Variants in DNAJC6 observed in about 807,000 individuals in gnomAD.
DNAJC6 encodes auxilin.
Under a neutral mutation model 110.0 loss-of-function variants are expected in DNAJC6, and 34 were observed. The observed-to-expected ratio is 0.31, with a 90% confidence interval of 0.24 to 0.41. DNAJC6 has a LOEUF of 0.41. Ranked by LOEUF, DNAJC6 falls within the 10% of genes least tolerant of loss-of-function variation. The probability of loss-of-function intolerance (pLI) is 1.00; values close to 1 mark genes in which losing one functional copy is unlikely to be tolerated. For missense variants in DNAJC6, 1,031 were observed against 1,207.8 expected (o/e 0.85, Z 2.17); for synonymous variants, 406 against 437.2 (o/e 0.93, Z 0.89).
At chr1:65,377,839 A>T (rs934196517) in intron 4 of DNAJC6, among the ~76,000 whole-genome samples, 1 of 152,218 alleles carries the variant, frequency 6.6e-6, no homozygotes, top group Non-Finnish European at 1.5e-5. Flanking sequence ...AAATAGAAGG[A>T]ATTCGAGACA....
At chr1:65,375,517 A>G (rs1037094290) in intron 4 of DNAJC6, among the ~76,000 whole-genome samples, 7 of 149,840 alleles carry the variant, frequency 4.7e-5, no homozygotes, top group East Asian at 2.0e-4. Context: ...GCTCCGCCTC[A>G]TGGGTTCACG....
At chr1:65,377,217 G>T (rs7534332) in intron 4 of DNAJC6, among the ~76,000 whole-genome samples, 1 of 151,892 alleles carries the variant, frequency 6.6e-6, no homozygotes, top group African/African-American at 2.4e-5. Context: ...CTTGAACCTG[G>T]GTTTTAAAAG....
intron 1 of DNAJC6, among the ~76,000 whole-genome samples, chr1:65,286,960 T>C (rs1281841432): frequency 6.6e-6 from 1 of 152,344 alleles, no homozygotes; most frequent in East Asian, 1.9e-4. Flanking sequence ...CCACAACCCA[T>C]GTTTTCTATG....
chr1:65,327,588 G>A (rs1203698315), intron 1 of DNAJC6, among the ~76,000 whole-genome samples: 3 of 152,118 alleles, frequency 2.0e-5, no homozygotes, highest in Admixed American at 6.5e-5. Flanking sequence ...TTATGTGTGG[G>A]TGTATGTTTG....
chr1:65,378,979 A>C (rs1645792488), intron 4 of DNAJC6, among the ~76,000 whole-genome samples: 2 of 152,314 alleles, frequency 1.3e-5, no homozygotes, highest in South Asian at 4.1e-4. Context: ...CCTTTGGCTC[A>C]CTCTATAGCA....
chr1:65,409,000 A>G (rs1241511264), intron 17 of DNAJC6, among the ~76,000 whole-genome samples: 2 of 151,954 alleles, frequency 1.3e-5, no homozygotes, highest in African/African-American at 4.8e-5. Flanking sequence ...GGTGCCAGCC[A>G]TTTTGGTGTC....
rs74083004 is a variant in DNAJC6 at position 65,284,064 on chromosome 1, G to A, written c.-131+19132G>A. 3.9e-3 allele frequency among the ~76,000 whole-genome samples: 586 copies of A among 151,996 alleles called. 1 individual carries two copies. Among genetic ancestry groups the A allele is most frequent in the African/African-American group, 0.013 (559 of 41,456 alleles). On this transcript the variant is annotated intron_variant, in intron 1 of 19. Coordinates refer to the DNAJC6 transcript ENST00000263441. ...GGGGTCCCCTTTTTACCTCAGAATC[G>A]CTTTATCTCAATCCTGCCATCTTCC... is the stretch of plus-strand genomic sequence containing the variant.
intron 15 of DNAJC6, among the ~76,000 whole-genome samples, chr1:65,404,824 C>G (rs569871170): frequency 2.7e-4 from 41 of 152,280 alleles, no homozygotes; most frequent in African/African-American, 9.1e-4. Context: ...AATCCCAGCT[C>G]CATTAATTGG....
chr1:65,317,380 T>C (rs1006154757), intron 1 of DNAJC6, among the ~76,000 whole-genome samples: 5 of 152,260 alleles, frequency 3.3e-5, no homozygotes, highest in African/African-American at 4.8e-5. Flanking sequence ...GGAAGTTCCA[T>C]AACATGTGCC....
Position 65,414,171 on chromosome 1 carries a change from T to G in DNAJC6, c.*1146T>G, listed in dbSNP as rs41311152. On this transcript the variant is annotated 3_prime_UTR_variant, in exon 19 of 19. Coordinates refer to ENST00000371069, the MANE Select transcript of DNAJC6 (RefSeq NM_001256864.2). ...ATTAAATTATTACAGTGGGCTTTTT[T>G]GTTTTAAAAGTGGTTGGGGATCCAC... is the stretch of plus-strand genomic sequence containing the variant. 1 of 152,362 alleles carries G rather than the reference T, an allele frequency of 6.6e-6. No individual in the cohort carries two copies. The highest frequency in any genetic ancestry group is 1.5e-5 in the Non-Finnish European group (1 of 68,034). The allele number at this position is 152,362 out of a possible 1,614,324, so 9.4% of individuals were successfully genotyped here. A position where few individuals can be genotyped will look rare whatever the true frequency, so the allele number is the denominator to read the frequency against.
Position 65,394,996 on chromosome 1 carries a change from C to T in DNAJC6, c.2002C>T (p.Leu668Phe). ...NTSSASSDPF[L>F]QPTRSPSPTV... ...ATCCAGTGCTTCCAGTGACCCCTTT[C>T]TCCAGCCAACAAGAAGTCCTTCGCC... is the stretch of plus-strand genomic sequence containing the variant. The change falls in exon 13 of 19, where the codon CTC becomes TTC. Residue 668 changes from leucine to phenylalanine, a missense_variant. Leu to Phe is a conservative substitution (Grantham distance 22). Coordinates refer to ENST00000371069, the MANE Select transcript of DNAJC6 (RefSeq NM_001256864.2). 1 of 1,612,412 alleles carries T rather than the reference C, an allele frequency of 6.2e-7. No homozygotes were observed. The highest frequency in any genetic ancestry group is 8.5e-7 in the Non-Finnish European group (1 of 1,179,452).
At position 65,386,809 on chromosome 1, in the gene DNAJC6, C is replaced by T. The variant is rs1419514890; in HGVS notation, c.996-3C>T. ...CAATGTATATTTTGGTCTGTGTTTACAGAGAATATCGTGTCCAAGATGGAA... is the reference window on the plus strand; with the variant it reads ...CAATGTATATTTTGGTCTGTGTTTATAGAGAATATCGTGTCCAAGATGGAA... On this transcript the variant is annotated splice_region_variant and splice_polypyrimidine_tract_variant and intron_variant, in intron 7 of 18. Coordinates refer to ENST00000371069, the MANE Select transcript of DNAJC6 (RefSeq NM_001256864.2). 2 of 1,612,858 alleles carry T rather than the reference C, an allele frequency of 1.2e-6. No individual in the cohort carries two copies. The highest frequency in any genetic ancestry group is 1.3e-5 in the African/African-American group (1 of 75,044).
chr1:65,309,453 A>G (rs1645075647), upstream of DNAJC6: 4 of 864,640 alleles, frequency 4.6e-6, no homozygotes, highest in Non-Finnish European at 5.8e-6. Flanking sequence ...GGAGCTCGGC[A>G]GGGCCGGGCG....
At chr1:65,404,739 C>T (rs1461582971) in intron 15 of DNAJC6, among the ~76,000 whole-genome samples, 2 of 152,044 alleles carry the variant, frequency 1.3e-5, no homozygotes, top group East Asian at 3.9e-4. Context: ...AAAGGCTTAG[C>T]AATTAGGAGA....
rs780392337 is a variant in DNAJC6, at chr1:65,384,263, G to C, written c.737G>C (p.Gly246Ala). The change falls in exon 6 of 19, where the codon GGC becomes GCC. Residue 246 changes from glycine (G) to alanine (A), a missense_variant. Gly to Ala is a moderately conservative substitution (Grantham distance 60). Transcript: ENST00000371069. ...TTCTGTAATCTCTACTCTACTCCTG[G>C]CCCAGCCATTCGATTGCTATATGCA... is the stretch of plus-strand genomic sequence containing the variant. ...FIFCNLYSTP[G>A]PAIRLLYAKR... The C allele has an allele frequency of 6.3e-6, 10 of 1,587,798 alleles. No individual in the cohort carries two copies. The highest frequency in any genetic ancestry group is 8.6e-7 in the Non-Finnish European group (1 of 1,168,834).
intron 1 of DNAJC6, among the ~76,000 whole-genome samples, chr1:65,339,935 G>A (rs1330501260): frequency 6.6e-6 from 1 of 152,174 alleles, no homozygotes; most frequent in African/African-American, 2.4e-5. Flanking sequence ...CCAGTTTGGT[G>A]ATACTCCTAA....
At chr1:65,387,393 C>G (rs1214356616) in intron 8 of DNAJC6, among the ~76,000 whole-genome samples, 1 of 152,202 alleles carries the variant, frequency 6.6e-6, no homozygotes, top group Non-Finnish European at 1.5e-5. Flanking sequence ...AACATCACCA[C>G]TAATTCCAGA....
Position 65,364,820 on chromosome 1 carries a change from C to T in DNAJC6, c.344+35C>T, listed in dbSNP as rs780287079. The T allele has an allele frequency of 4.4e-6, 7 of 1,607,926 alleles. No homozygotes were observed. The South Asian group carries it at 4.4e-5, about 10-fold the overall frequency. On this transcript the variant is annotated intron_variant, in intron 2 of 18. Transcript: ENST00000371069. ...TTCTTCCCAGTTAATTTAGTGGATC[C>T]CCATGCTCTCAAAGGATCTGGTTAC...
At chr1:65,273,702 T>C (rs1039458808) in intron 1 of DNAJC6, among the ~76,000 whole-genome samples, 1 of 152,192 alleles carries the variant, frequency 6.6e-6, no homozygotes, top group Non-Finnish European at 1.5e-5. Context: ...TTAAAATATT[T>C]TATACTTTTC....
Sources: allele counts gnomAD v4.1 joint callset (sites outside exome capture counted in the v4.1 genomes callset), GRCh38; gene constraint gnomAD v4.1.1; transcripts MANE v1.5; gene names NCBI Gene and HGNC (gene_info 2026-07-23, HGNC 2026-07-21).